Variants in SRP72 observed in about 807,000 individuals in gnomAD.
SRP72 encodes the protein signal recognition particle 72.
SRP72 carries 49 observed loss-of-function variants against 96.3 expected under a neutral mutation model. The observed-to-expected ratio is 0.51, with a 90% confidence interval of 0.40 to 0.65. The LOEUF (loss-of-function observed/expected upper bound fraction) is 0.65, where lower values mean the gene tolerates loss of function less well. Ranked by LOEUF, SRP72 falls within the 30% of genes least tolerant of loss-of-function variation. SRP72 has a pLI of 0.00. For missense variants in SRP72, 736 were observed against 793.3 expected, an observed-to-expected ratio of 0.93 and a Z score of 0.87; for synonymous variants, 267 against 275.2, an observed-to-expected ratio of 0.97 and a Z score of 0.30.
intron 1 of SRP72, among the ~76,000 whole-genome samples, chr4:56,468,586 C>T (rs17086794): frequency 0.2 from 30,088 of 151,842 alleles, 3,332 homozygotes; most frequent in Admixed American, 0.35. Context: ...CAGGGCTTAG[C>T]TGTTCAGAGT....
chr4:56,500,995 A>T (rs1457842020), intron 18 of SRP72, among the ~76,000 whole-genome samples: 1 of 152,246 alleles, frequency 6.6e-6, no homozygotes, highest in African/African-American at 2.4e-5. Flanking sequence ...GCAACTAAAT[A>T]CACTGAGTCA....
chr4:56,492,647 TG>T (rs1578194627), intron 16 of SRP72, among the ~76,000 whole-genome samples: 1 of 152,248 alleles, frequency 6.6e-6, no homozygotes, highest in Non-Finnish European at 1.5e-5. Flanking sequence ...AAAGCATTGT[TG>T]TTCTCATAAT....
rs1439920723 is a variant in SRP72 at position 56,478,781 on chromosome 4, C to T, written c.825+132C>T. The T allele has an allele frequency of 6.6e-5, 52 of 792,670 alleles. 2 individuals carry two copies. In the Middle Eastern group the frequency reaches 1.5e-3, roughly 23 times the overall value. 49.1% of individuals were successfully genotyped at this position (792,670 alleles called of 1,614,324 possible). A position where few individuals can be genotyped will look rare whatever the true frequency, so the allele number is the denominator to read the frequency against. On this transcript the variant is annotated intron_variant, in intron 8 of 18. Transcript: ENST00000642900. ...AAAAAGTCCAGTTGTAGCAAAATCA[C>T]AATGGATAGTATTACTTAACTCTCC...
At position 56,495,338 on chromosome 4, in the gene SRP72, T is replaced by C. The variant is rs77746539; in HGVS notation, c.1641-19T>C. On this transcript the variant is annotated intron_variant, in intron 16 of 18. Coordinates refer to ENST00000642900, the MANE Select transcript of SRP72 (RefSeq NM_006947.4). ...TATTTTATCACAAAGATGGTAATGATTTTTTTTTCTCTTTGTAGACAGGGA... is the reference window on the plus strand; with the variant it reads ...TATTTTATCACAAAGATGGTAATGACTTTTTTTTCTCTTTGTAGACAGGGA... 3.8e-5 allele frequency: 55 copies of C among 1,436,620 alleles called. No individual in the cohort carries two copies. Among genetic ancestry groups the C allele is most frequent in the Admixed American group, 7.5e-5 (4 of 53,342 alleles). 89.0% of individuals were successfully genotyped at this position (1,436,620 alleles called of 1,614,324 possible).
chr4:56,469,309 T>C (rs1719870657), intron 1 of SRP72, among the ~76,000 whole-genome samples: 1 of 152,234 alleles, frequency 6.6e-6, no homozygotes, highest in Non-Finnish European at 1.5e-5. Flanking sequence ...AGTAATGAAC[T>C]ATGTAGAATG....
intron 6 of SRP72, chr4:56,477,123 C>T (rs1295732415): frequency 7.9e-6 from 1 of 127,158 alleles, no homozygotes; most frequent in African/African-American, 3.3e-5. Context: ...TTATAGAGTC[C>T]TTATGTTTTT....
At position 56,491,555 on chromosome 4, in the gene SRP72, C is replaced by G; in HGVS notation, c.1627C>G (p.Pro543Ala). 1 of 1,613,550 alleles carries G rather than the reference C, an allele frequency of 6.2e-7. No individual in the cohort carries two copies. Among genetic ancestry groups the G allele is most frequent in the Admixed American group, 1.7e-5 (1 of 59,984 alleles). Reference sequence around the variant, plus strand: ...TGGAAAAGTTACTGGAGATAGTCAACCAAAGGAACAAGGGTAATATTTTTC... The same window carrying G: ...TGGAAAAGTTACTGGAGATAGTCAAGCAAAGGAACAAGGGTAATATTTTTC... The part of the protein sequence containing the change: ...KGGKVTGDSQ[P>A]KEQGQGDLKK... The change falls in exon 16 of 19, where the codon CCA (proline) becomes GCA (alanine). Residue 543 changes from proline to alanine, a missense_variant. Physicochemically the swap from Pro to Ala is conservative, Grantham distance 27 (BLOSUM62 -1). Coordinates refer to ENST00000642900, the MANE Select transcript of SRP72 (RefSeq NM_006947.4).
chr4:56,478,328 A>G (rs375799188), intron 6 of SRP72, 51 bp from the exon 7 acceptor site: 100 of 1,517,536 alleles, frequency 6.6e-5, no homozygotes, highest in Non-Finnish European at 8.1e-5. Context: ...TTTGGAAAAT[A>G]TGTAGATCAG....
chr4:56,497,201 TTTTTA>T (rs1010986172), intron 17 of SRP72, among the ~76,000 whole-genome samples: 4 of 151,462 alleles, frequency 2.6e-5, no homozygotes, highest in African/African-American at 4.8e-5. Context: ...CTTTATTTAT[TTTTTA>T]TTTTATTTTA....
Position 56,469,748 on chromosome 4 carries a change from A to G in SRP72, c.205A>G (p.Asn69Asp). 2 of 1,611,556 alleles carry G rather than the reference A, an allele frequency of 1.2e-6. No individual in the cohort carries two copies. The highest frequency in any genetic ancestry group is 8.5e-7 in the Non-Finnish European group (1 of 1,178,108). ...TTTCAAGGAAGCTTTGAATGTCATC[A>G]ATACTCACACCAAAGTGTTAGCCAA... ...GSFKEALNVINTHTKVLANNS... is the reference protein window; with the variant it reads ...GSFKEALNVIDTHTKVLANNS... The change falls in exon 2 of 19, where the codon AAT (asparagine) becomes GAT (aspartate). Residue 69 changes from asparagine to aspartate, a missense_variant. Physicochemically the swap from Asn to Asp is conservative, Grantham distance 23. This residue lies in a region of SRP72 where 329 missense variants were observed against 319.0 expected (regional missense o/e 1.03). Transcript: ENST00000642900.
intron 8 of SRP72, among the ~76,000 whole-genome samples, chr4:56,478,992 T>C (rs994702298): frequency 1.8e-4 from 27 of 152,280 alleles, no homozygotes; most frequent in African/African-American, 5.8e-4. Context: ...TCTTCGTCTA[T>C]GGAATCTGAA....
At chr4:56,498,094 T>C (rs920251886) in intron 17 of SRP72, among the ~76,000 whole-genome samples, 6 of 152,198 alleles carry the variant, frequency 3.9e-5, no homozygotes, top group Admixed American at 3.3e-4. Context: ...CTTAGAAATA[T>C]ATTTTTTACT....
rs759383637 is a variant in SRP72, at chr4:56,469,759, C to G, written c.216C>G (p.Thr72=). 1.9e-6 allele frequency: 3 copies of G among 1,608,356 alleles called. No homozygotes were observed. The African/African-American group carries it at 4.0e-5, about 21-fold the overall frequency. The stretch of plus-strand genomic sequence containing the variant: ...CTTTGAATGTCATCAATACTCACAC[C>G]AAAGTGTTAGCCAAGTAAGTGATTC... The part of the protein sequence containing the change: ...KEALNVINTH[T]KVLANNSLSF... Residue 72 remains threonine (T), a synonymous_variant, in exon 2 of 19, where the codon ACC becomes ACG. Coordinates refer to ENST00000642900, the MANE Select transcript of SRP72 (RefSeq NM_006947.4).
intron 17 of SRP72, among the ~76,000 whole-genome samples, chr4:56,497,656 C>CT (rs1323370004): frequency 6.6e-6 from 1 of 151,824 alleles, no homozygotes; most frequent in African/African-American, 2.4e-5. Context: ...CCCTATCCAT[C>CT]TTTAAAAAAA....
intron 2 of SRP72, among the ~76,000 whole-genome samples, chr4:56,470,883 C>T (rs533266755): frequency 4.5e-4 from 65 of 145,824 alleles, no homozygotes; most frequent in African/African-American, 1.6e-3. Context: ...GCTGGTGGAA[C>T]CTCCACCTTC....
chr4:56,482,614 A>G (rs1235708307), intron 8 of SRP72, among the ~76,000 whole-genome samples: 3 of 152,186 alleles, frequency 2.0e-5, no homozygotes, highest in African/African-American at 7.2e-5. Flanking sequence ...ACCAAACACG[A>G]AATATCTCCA....
chr4:56,484,514 T>C (rs1720631058), intron 9 of SRP72, among the ~76,000 whole-genome samples: 1 of 152,176 alleles, frequency 6.6e-6, no homozygotes, highest in Non-Finnish European at 1.5e-5. Flanking sequence ...TCTCCTTTAC[T>C]AAAGACTCTT....
At chr4:56,471,585 A>G in intron 2 of SRP72, 135 bp from the exon 3 acceptor site, 3 of 940,018 alleles carry the variant, frequency 3.2e-6, no homozygotes, top group Non-Finnish European at 4.6e-6. Flanking sequence ...TCTGATATTT[A>G]GACAAGTCTC....
intron 17 of SRP72, among the ~76,000 whole-genome samples, chr4:56,495,907 T>C (rs996580014): frequency 1.3e-5 from 2 of 152,174 alleles, no homozygotes; most frequent in South Asian, 4.1e-4. Context: ...CAAAACAGAA[T>C]CCCATTAGAG....
Sources: gnomAD v4.1 joint callset for allele counts (sites outside exome capture counted in the v4.1 genomes callset) on GRCh38, gnomAD v4.1.1 for gene constraint, gnomAD v4.1.1 regional missense constraint, MANE v1.5 for transcripts, NCBI Gene and HGNC (gene_info 2026-07-23, HGNC 2026-07-21) for gene names.